Variants in CD44 observed in about 807,000 individuals in gnomAD.
CD44 encodes the protein CD44 molecule (IN blood group).
CD44 carries 49 observed loss-of-function variants against 88.8 expected under a neutral mutation model. The ratio of observed to expected loss-of-function variants is 0.55; its 90% CI spans 0.44 to 0.70. The LOEUF (loss-of-function observed/expected upper bound fraction) is 0.70, where lower values mean the gene tolerates loss of function less well. CD44 is among the 30% of genes least tolerant of loss of function. CD44 has a pLI of 0.00. For missense variants in CD44, 883 were observed against 913.8 expected (o/e 0.97, Z 0.43); for synonymous variants, 325 against 312.3 (o/e 1.04, Z -0.43).
intron 1 of CD44, among the ~76,000 whole-genome samples, chr11:35,151,317 A>T (rs1044202745): frequency 6.6e-6 from 1 of 152,078 alleles, no homozygotes; most frequent in East Asian, 1.9e-4. Context: ...CTGGCAGAAG[A>T]TCCAATTTTT....
chr11:35,164,446 T>C (rs1009546875), intron 1 of CD44, among the ~76,000 whole-genome samples: 4 of 152,236 alleles, frequency 2.6e-5, no homozygotes, highest in African/African-American at 9.6e-5. Context: ...ATCTTTTCTT[T>C]TTCACTTAAG....
intron 6 of CD44, 24 bp downstream of exon 6, chr11:35,196,898 A>G (rs61882760): frequency 0.054 from 86,988 of 1,607,820 alleles, 2,689 homozygotes; most frequent in Non-Finnish European, 0.06. Flanking sequence ...ATTATCTCAT[A>G]GCGTATGTTT....
intron 12 of CD44, among the ~76,000 whole-genome samples, 177 bp from the exon 13 acceptor site, chr11:35,209,788 A>C (rs1948225129): frequency 6.6e-6 from 1 of 152,204 alleles, no homozygotes; most frequent in South Asian, 2.1e-4. Context: ...AAATAGGGGC[A>C]AAATAGAATT....
At chr11:35,224,543 C>A (rs1026780878) in intron 17 of CD44, among the ~76,000 whole-genome samples, 1 of 152,140 alleles carries the variant, frequency 6.6e-6, no homozygotes, top group African/African-American at 2.4e-5. Flanking sequence ...TCAAGACCAG[C>A]CTGGGCAACA....
At chr11:35,139,670 T>G in intron 1 of CD44, 1 of 648,848 alleles carries the variant, frequency 1.5e-6, no homozygotes, top group East Asian at 3.2e-5. Flanking sequence ...AAAGTAACCG[T>G]TCTCCCGGAT....
intron 15 of CD44, chr11:35,218,948 A>T (rs2134319800): frequency 4.8e-6 from 1 of 207,332 alleles, no homozygotes; most frequent in Non-Finnish European, 9.9e-6. Context: ...CCATCTTACG[A>T]GTGTGAAAAG....
chr11:35,204,515 A>G lies in CD44; in HGVS notation c.1157A>G (p.Gln386Arg), dbSNP rs185929114. 34 of 1,613,202 alleles carry G rather than the reference A, an allele frequency of 2.1e-5. No individual in the cohort carries two copies. The Admixed American group carries it at 5.5e-4, about 26-fold the overall frequency. ...EETPHSTSTIQATPSSTTEET... is the reference protein window; with the variant it reads ...EETPHSTSTIRATPSSTTEET... ...CCAACTGATATTCTTCTCACAGTCC[A>G]GGCAACTCCTAGTAGTACAACGGAA... is the stretch of plus-strand genomic sequence containing the variant. Residue 386 changes from glutamine to arginine, a missense_variant, in exon 10 of 18, where the codon CAG becomes CGG. Around this residue, in one of 2 missense-constraint regions of CD44, gnomAD observed 631 missense variants for 590.9 expected, o/e 1.07. Transcript: ENST00000428726.
chr11:35,215,086 G>A, intron 15 of CD44, 172 bp downstream of exon 15: 2 of 412,924 alleles, frequency 4.8e-6, no homozygotes, highest in Non-Finnish European at 8.6e-6. Context: ...CACCCTTAAG[G>A]TTCCTGATTC....
rs905913015 is a variant in CD44, at chr11:35,222,416, A to C, written c.2024+684A>C. On this transcript the variant is annotated intron_variant, in intron 17 of 17. Coordinates refer to ENST00000428726, the MANE Select transcript of CD44 (RefSeq NM_000610.4). ...TATAGCATAAGAAGAGCACTGTTTCATCGTCTTCTTGCTGTTAGGAGGTCT... is the reference window on the plus strand; with the variant it reads ...TATAGCATAAGAAGAGCACTGTTTCCTCGTCTTCTTGCTGTTAGGAGGTCT... 6 of 1,296,874 alleles carry C rather than the reference A, an allele frequency of 4.6e-6. No individual in the cohort carries two copies. The African/African-American group carries it at 9.2e-5, about 20-fold the overall frequency. The allele number at this position is 1,296,874 out of a possible 1,614,324, so 80.3% of individuals were successfully genotyped here.
At chr11:35,175,242 G>T (rs1418220176) in intron 1 of CD44, among the ~76,000 whole-genome samples, 2 of 152,182 alleles carry the variant, frequency 1.3e-5, no homozygotes, top group African/African-American at 4.8e-5. Context: ...TAGAGAGGGA[G>T]CCAGGAGCCA....
chr11:35,197,527 G>A (rs1418560410), intron 6 of CD44: 5 of 152,442 alleles, frequency 3.3e-5, no homozygotes, highest in African/African-American at 1.2e-4. Flanking sequence ...TGATTTCTCT[G>A]TTAATTGGCT....
intron 1 of CD44, among the ~76,000 whole-genome samples, chr11:35,158,431 C>T (rs568761121): frequency 5.9e-5 from 9 of 152,284 alleles, no homozygotes; most frequent in South Asian, 4.1e-4. Context: ...GTTTACTTAA[C>T]TTTTCTGAGC....
chr11:35,185,805 A>G (rs1445672158), intron 3 of CD44, among the ~76,000 whole-genome samples: 1 of 152,246 alleles, frequency 6.6e-6, no homozygotes, highest in Non-Finnish European at 1.5e-5. Context: ...AATACAAGGT[A>G]TAGTCACAGA....
At chr11:35,225,999 T>C (rs1453648354) in intron 17 of CD44, among the ~76,000 whole-genome samples, 3 of 152,206 alleles carry the variant, frequency 2.0e-5, no homozygotes, top group Non-Finnish European at 4.4e-5. Flanking sequence ...GGTCTAGTGC[T>C]CCTTCTTAAA....
chr11:35,191,470 T>TGAGA (rs1321523312), intron 5 of CD44, among the ~76,000 whole-genome samples: 2 of 152,184 alleles, frequency 1.3e-5, no homozygotes, highest in African/African-American at 4.8e-5. Context: ...CAACCCTTCT[T>TGAGA]GAGAGAGGCT....
At chr11:35,178,419 G>A (rs763533668) in intron 2 of CD44, among the ~76,000 whole-genome samples, 11 of 152,144 alleles carry the variant, frequency 7.2e-5, no homozygotes, top group Non-Finnish European at 1.5e-4. Context: ...TGAAGCAGCC[G>A]AGGCTTAGCG....
intron 14 of CD44, 138 bp downstream of exon 14, chr11:35,211,587 T>C (rs1948393941): frequency 7.8e-6 from 5 of 640,300 alleles, no homozygotes; most frequent in Middle Eastern, 4.2e-4. Flanking sequence ...TTATTGGTTA[T>C]CAATTCTAGT....
chr11:35,178,224 A>G (rs1447681693), intron 2 of CD44, among the ~76,000 whole-genome samples: 1 of 152,256 alleles, frequency 6.6e-6, no homozygotes, highest in African/African-American at 2.4e-5. Context: ...TGTGAAATAC[A>G]AACAAGGCAT....
intron 1 of CD44, among the ~76,000 whole-genome samples, chr11:35,158,107 G>C (rs1157997623): frequency 6.6e-6 from 1 of 152,184 alleles, no homozygotes; most frequent in Non-Finnish European, 1.5e-5. Context: ...TGTTTGCGTT[G>C]TTAAAAACTC....
Sources: allele counts gnomAD v4.1 joint callset (sites outside exome capture counted in the v4.1 genomes callset), GRCh38; gene constraint gnomAD v4.1.1; regional missense constraint gnomAD v4.1.1; transcripts MANE v1.5; gene names NCBI Gene and HGNC (gene_info 2026-07-23, HGNC 2026-07-21).